Variants in ATF7IP observed in about 807,000 individuals in gnomAD.
The protein encoded by ATF7IP is activating transcription factor 7-interacting protein 1.
Under a neutral mutation model 106.4 loss-of-function variants are expected in ATF7IP, and 23 were observed. The observed-to-expected ratio is 0.22, with a 90% CI of 0.16 to 0.31. ATF7IP has a LOEUF of 0.31. ATF7IP is among the 10% of genes least tolerant of loss of function. ATF7IP has a pLI of 1.00. For synonymous variants in ATF7IP, 542 were observed against 539.0 expected (o/e 1.01, Z -0.08); for missense variants, 1,334 against 1,524.3 (o/e 0.88, Z 2.08).
chr12:14,384,377 G>A (rs1939124008), intron 1 of ATF7IP, among the ~76,000 whole-genome samples: 1 of 152,056 alleles, frequency 6.6e-6, no homozygotes, highest in African/African-American at 2.4e-5. Context: ...CACATTTGTT[G>A]GAGCTCTTTC....
intron 11 of ATF7IP, chr12:14,476,557 A>G (rs1665745296): frequency 6.6e-6 from 1 of 152,122 alleles, no homozygotes; most frequent in Non-Finnish European, 1.5e-5. Flanking sequence ...ATCCTTGCAA[A>G]AAAATCCTGT....
Position 14,500,551 on chromosome 12 carries a change from T to C in ATF7IP, c.*2478T>C, listed in dbSNP as rs938933117. 6.6e-6 allele frequency: 1 copy of C among 152,208 alleles called. No homozygotes were observed. The highest frequency in any genetic ancestry group is 2.4e-5 in the African/African-American group (1 of 41,460). The allele number at this position is 152,208 out of a possible 1,614,324, so 9.4% of individuals were successfully genotyped here. On this transcript the variant is annotated 3_prime_UTR_variant, in exon 15 of 15. Transcript: ENST00000261168. ...CTGTCTATATCTGCATGTATATGTT[T>C]TGACCTGCAGTGGTTGCAATGTTGA...
chr12:14,488,759 C>G (rs1350833450), intron 13 of ATF7IP, among the ~76,000 whole-genome samples: 1 of 152,130 alleles, frequency 6.6e-6, no homozygotes, highest in Non-Finnish European at 1.5e-5. Context: ...ATACAATTAT[C>G]CTTTGTACAA....
At chr12:14,476,754 ATTTCT>A (rs1470757763) in intron 11 of ATF7IP, among the ~76,000 whole-genome samples, 2 of 152,128 alleles carry the variant, frequency 1.3e-5, no homozygotes, top group African/African-American at 4.8e-5. Context: ...ATTTGAATTA[ATTTCT>A]TTTATCTAGC....
rs534777737 is a variant in ATF7IP, at chr12:14,499,092, C to G, written c.*1019C>G. On this transcript the variant is annotated 3_prime_UTR_variant, in exon 15 of 15. Coordinates refer to ENST00000261168, the MANE Select transcript of ATF7IP (RefSeq NM_018179.5). ...AACTCCTGACCTCAGGTGATCCACC[C>G]GCCTCGGCCTCCCAGAGTGCTGCGA... The G allele has an allele frequency of 6.6e-6, 1 of 152,142 alleles. No homozygotes were observed. Among genetic ancestry groups the G allele is most frequent in the Non-Finnish European group, 1.5e-5 (1 of 68,080 alleles). The allele number at this position is 152,142 out of a possible 1,614,324, so 9.4% of individuals were successfully genotyped here.
chr12:14,467,002 C>CA lies in ATF7IP; in HGVS notation c.2862+415dup, dbSNP rs1288144094. 2.6e-5 allele frequency among the ~76,000 whole-genome samples: 4 copies of CA among 152,056 alleles called. 1 individual carries two copies. The highest frequency in any genetic ancestry group is 4.4e-5 in the Non-Finnish European group (3 of 67,968). On this transcript the variant is annotated intron_variant, in intron 10 of 14. Transcript: ENST00000261168. ...ACCCCTACCACCTTTTTAATTTCCC[C>CA]AAAGGTAATCAGAAATACCTTTTGA...
At chr12:14,468,097 A>G (rs923541084) in intron 10 of ATF7IP, among the ~76,000 whole-genome samples, 11 of 151,432 alleles carry the variant, frequency 7.3e-5, no homozygotes, top group African/African-American at 2.4e-4. Context: ...GGAAACCGCA[A>G]CTCTACTAAA....
intron 1 of ATF7IP, among the ~76,000 whole-genome samples, chr12:14,411,918 G>A (rs1940940320): frequency 6.6e-6 from 1 of 151,736 alleles, no homozygotes; most frequent in Non-Finnish European, 1.5e-5. Flanking sequence ...TTTAGTTTTA[G>A]CTCTTAAATT....
chr12:14,446,382 A>T (rs1298288885), intron 5 of ATF7IP, among the ~76,000 whole-genome samples: 2 of 152,168 alleles, frequency 1.3e-5, no homozygotes, highest in East Asian at 3.8e-4. Flanking sequence ...TCTTGGCCTT[A>T]GGTGATCCAC....
chr12:14,378,100 CTTT>C (rs59879512), intron 1 of ATF7IP, among the ~76,000 whole-genome samples: 2 of 137,880 alleles, frequency 1.5e-5, no homozygotes. Flanking sequence ...TTTTCTTTTT[CTTT>C]TTTTTTTTTT....
chr12:14,405,380 A>G (rs946899282), intron 1 of ATF7IP, among the ~76,000 whole-genome samples: 4 of 135,706 alleles, frequency 2.9e-5, no homozygotes, highest in Non-Finnish European at 6.4e-5. Flanking sequence ...ATGGAAGAGG[A>G]TTTAGGGTCT....
intron 1 of ATF7IP, among the ~76,000 whole-genome samples, chr12:14,369,583 C>T (rs1357130256): frequency 2.6e-5 from 4 of 152,204 alleles, no homozygotes; most frequent in Non-Finnish European, 5.9e-5. Flanking sequence ...GGTGATCTGC[C>T]TGCCTTGGCC....
intron 1 of ATF7IP, among the ~76,000 whole-genome samples, chr12:14,376,921 A>G (rs966765976): frequency 2.0e-5 from 3 of 152,094 alleles, no homozygotes; most frequent in Admixed American, 1.3e-4. Context: ...ACAAAACTCC[A>G]TCTCAAAAAA....
chr12:14,497,333 A>G lies in ATF7IP; in HGVS notation c.3394-321A>G, dbSNP rs557373922. Among the ~76,000 whole-genome samples the G allele has an allele frequency of 2.6e-3, 398 of 152,318 alleles. 1 individual carries two copies. Among genetic ancestry groups the G allele is most frequent in the Admixed American group, 5.2e-3 (79 of 15,302 alleles). ...AACATAGATAATTCAATCATAAATT[A>G]TTTTGTTAGAAATAGATCATTACTT... On this transcript the variant is annotated intron_variant, in intron 14 of 14. Coordinates refer to ENST00000261168, the MANE Select transcript of ATF7IP (RefSeq NM_018179.5).
At chr12:14,414,493 G>A (rs949647137) in intron 1 of ATF7IP, among the ~76,000 whole-genome samples, 10 of 152,134 alleles carry the variant, frequency 6.6e-5, no homozygotes, top group East Asian at 1.9e-4. Flanking sequence ...ATCTGCTATC[G>A]TTAACGTATT....
rs1591833696 is a variant in ATF7IP at position 14,425,143 on chromosome 12, A to G, written c.1228A>G (p.Ile410Val). 2 of 1,593,316 alleles carry G rather than the reference A, an allele frequency of 1.3e-6. No homozygotes were observed. The highest frequency in any genetic ancestry group is 2.7e-5 in the African/African-American group (2 of 73,388). The part of the protein sequence containing the change: ...DETSADLVET[I>V]NENVIEDNKS... The stretch of plus-strand genomic sequence containing the variant: ...AACTTCTGCAGATCTTGTAGAAACG[A>G]TTAATGAAAATGTTATTGAAGATAA... The change falls in exon 2 of 15, where the codon ATT becomes GTT. Residue 410 changes from isoleucine (I) to valine (V), a missense_variant. Ile to Val is a conservative substitution (Grantham distance 29). This residue lies in a region of ATF7IP where 438 missense variants were observed against 405.3 expected (regional missense o/e 1.08). Coordinates refer to ENST00000261168, the MANE Select transcript of ATF7IP (RefSeq NM_018179.5).
At chr12:14,454,271 G>C (rs930571262) in intron 6 of ATF7IP, among the ~76,000 whole-genome samples, 4 of 152,054 alleles carry the variant, frequency 2.6e-5, no homozygotes, top group African/African-American at 9.7e-5. Flanking sequence ...ACCTGTCTTT[G>C]CTATAGCAGC....
At chr12:14,491,153 G>T (rs978673184) in intron 13 of ATF7IP, among the ~76,000 whole-genome samples, 5 of 152,138 alleles carry the variant, frequency 3.3e-5, no homozygotes, top group Non-Finnish European at 7.4e-5. Flanking sequence ...TGGCAGAACA[G>T]CTTGCCCAGT....
At position 14,463,416 on chromosome 12, in the gene ATF7IP, T is replaced by G. The variant is rs143152043; in HGVS notation, c.2797+2283T>G. ...ATTCACAAAGTAATGAATGTCTGTA[T>G]TATCTTAGGTTCTTTAGATACACAG... On this transcript the variant is annotated intron_variant, in intron 9 of 14. Coordinates refer to ENST00000261168, the MANE Select transcript of ATF7IP (RefSeq NM_018179.5). 2.0e-5 allele frequency among the ~76,000 whole-genome samples: 3 copies of G among 152,298 alleles called. No individual in the cohort carries two copies. The East Asian group carries it at 5.8e-4, about 29-fold the overall frequency.
Sources: allele counts gnomAD v4.1 joint callset (sites outside exome capture counted in the v4.1 genomes callset), GRCh38; gene constraint gnomAD v4.1.1; regional missense constraint gnomAD v4.1.1; transcripts MANE v1.5; gene names NCBI Gene and HGNC (gene_info 2026-07-23, HGNC 2026-07-21).